The following TCF3 variants were observed in gnomAD, a reference collection of about 807,000 sequenced individuals.
The protein encoded by TCF3 is transcription factor 3.
Under a neutral mutation model 72.3 loss-of-function variants are expected in TCF3, and 54 were observed. The observed-to-expected ratio is 0.75, with a 90% CI of 0.60 to 0.94. The LOEUF is 0.94. Ranked by LOEUF, TCF3 falls within the 40% of genes least tolerant of loss-of-function variation. The pLI, the probability that TCF3 is intolerant of heterozygous loss-of-function variation, is 0.00. For missense variants in TCF3, 1,078 were observed against 934.4 expected (o/e 1.15, Z -2.00); for synonymous variants, 525 against 412.6 (o/e 1.27, Z -3.30).
intron 13 of TCF3, among the ~76,000 whole-genome samples, chr19:1,620,659 C>T (rs1483898810): frequency 6.6e-6 from 1 of 152,202 alleles, no homozygotes; most frequent in Non-Finnish European, 1.5e-5. Flanking sequence ...CCAGCCCTCC[C>T]TCACTGCCTG....
chr19:1,625,479 T>C, intron 7 of TCF3, 97 bp downstream of exon 7: 1 of 1,385,628 alleles, frequency 7.2e-7, no homozygotes. Flanking sequence ...GTGCGGGGTC[T>C]GCTCCCTCTG....
At chr19:1,621,226 G>C in intron 11 of TCF3, 35 bp from the exon 12 acceptor site, 1 of 1,527,872 alleles carries the variant, frequency 6.5e-7, no homozygotes, top group Non-Finnish European at 8.8e-7. Context: ...CACGCAGCCC[G>C]GCCTGGGTGC....
chr19:1,619,597 T>A, intron 14 of TCF3, 123 bp from the exon 15 acceptor site: 1 of 1,405,690 alleles, frequency 7.1e-7, no homozygotes, highest in Non-Finnish European at 9.5e-7. Context: ...GGAAGCTGCA[T>A]ATGCCAGGCA....
At chr19:1,652,071 G>A (rs1316120449) in intron 1 of TCF3, among the ~76,000 whole-genome samples, 1 of 150,406 alleles carries the variant, frequency 6.6e-6, no homozygotes, top group Non-Finnish European at 1.5e-5. Flanking sequence ...CGGCCCGACG[G>A]GGGCGACGCG....
In TCF3 at chr19:1,621,745, C is replaced by CG. The variant is rs767935645; in HGVS notation, c.955+92dup. 1.4e-4 allele frequency: 204 copies of CG among 1,427,846 alleles called. 1 individual carries two copies. The highest frequency in any genetic ancestry group is 1.8e-4 in the Non-Finnish European group (201 of 1,086,686). The allele number at this position is 1,427,846 out of a possible 1,614,324, so 88.4% of individuals were successfully genotyped here. The stretch of plus-strand genomic sequence containing the variant: ...CTCTCAGGGCCAGCAGACGCGCCTG[C>CG]GCCTCCCGTGGAGTCCTCGCCACCC... On this transcript the variant is annotated intron_variant, in intron 11 of 18. Coordinates refer to ENST00000262965, the MANE Select transcript of TCF3 (RefSeq NM_003200.5).
In TCF3 at chr19:1,620,951, C is replaced by T. The variant is rs73506282; in HGVS notation, c.1093+17G>A. Reference sequence around the variant, plus strand: ...TCACAGACCTCAGCCTCCCCTCCCCCCAAAACCCTCACAGACCTGCCAGGC... The same window carrying T: ...TCACAGACCTCAGCCTCCCCTCCCCTCAAAACCCTCACAGACCTGCCAGGC... On this transcript the variant is annotated intron_variant, in intron 13 of 18. Transcript: ENST00000262965. 1.3e-4 allele frequency: 196 copies of T among 1,481,700 alleles called. 3 individuals carry two copies. In the African/African-American group the frequency reaches 1.7e-3, roughly 13 times the overall value. The allele number at this position is 1,481,700 out of a possible 1,614,324, so 91.8% of individuals were successfully genotyped here.
At chr19:1,617,644 T>C (rs1204724956) in intron 16 of TCF3, among the ~76,000 whole-genome samples, 4 of 152,136 alleles carry the variant, frequency 2.6e-5, no homozygotes, top group Non-Finnish European at 5.9e-5. Flanking sequence ...TCTGCTCCAA[T>C]CGGCCAACGC....
intron 8 of TCF3, among the ~76,000 whole-genome samples, chr19:1,623,036 G>A (rs1252606559): frequency 2.0e-5 from 3 of 152,168 alleles, no homozygotes; most frequent in Non-Finnish European, 4.4e-5. Flanking sequence ...CCTGGGGAAG[G>A]AGGGGAGTGA....
At chr19:1,629,529 C>T (rs2063438413) in intron 5 of TCF3, among the ~76,000 whole-genome samples, 1 of 152,054 alleles carries the variant, frequency 6.6e-6, no homozygotes, top group African/African-American at 2.4e-5. Flanking sequence ...GAACAGCTGG[C>T]CAAGGCGAGC....
At chr19:1,639,692 G>C (rs973679674) in intron 3 of TCF3, among the ~76,000 whole-genome samples, 1 of 142,294 alleles carries the variant, frequency 7.0e-6, no homozygotes, top group African/African-American at 2.6e-5. Context: ...AATCAAGAAA[G>C]GACCTCCAAC....
chr19:1,633,499 C>CTTTCAAATCGCATCCTTCTA (rs1335412029), intron 3 of TCF3, among the ~76,000 whole-genome samples: 1 of 151,788 alleles, frequency 6.6e-6, no homozygotes, highest in East Asian at 1.9e-4. Context: ...CCAGAAACTT[C>CTTTCAAATCGCATCCTTCTA]TTTCAAATCG....
In TCF3 at chr19:1,622,162, G is replaced by A. The variant is rs970520830; in HGVS notation, c.714C>T (p.Pro238=). The change falls in exon 10 of 19, where the codon CCC becomes CCT. Residue 238 remains proline (P), a synonymous_variant. Transcript: ENST00000262965. The part of the protein sequence containing the change: ...WSPPGQAGFG[P]MLGGGSSPLP... ...GCGGGGATGAGCCCCCACCCAGCAT[G>A]GGCCCGAAGCCCGCCTGGCCCGGGG... 1.6e-5 allele frequency: 26 copies of A among 1,576,202 alleles called. No individual in the cohort carries two copies. Among genetic ancestry groups the A allele is most frequent in the Middle Eastern group, 1.8e-4 (1 of 5,668 alleles).
intron 1 of TCF3, among the ~76,000 whole-genome samples, chr19:1,651,995 G>C (rs2067177151): frequency 1.3e-5 from 2 of 150,884 alleles, no homozygotes; most frequent in Non-Finnish European, 3.0e-5. Flanking sequence ...TCGCGCCTAA[G>C]TTGCACAGCC....
chr19:1,615,426 G>A lies in TCF3; in HGVS notation c.1681C>T (p.Arg561Trp). Residue 561 changes from arginine to tryptophan, a missense_variant, in exon 18 of 19, where the codon CGG (arginine) becomes TGG (tryptophan). Physicochemically the swap from Arg to Trp is moderately radical, Grantham distance 101 (BLOSUM62 -3). Transcript: ENST00000262965. The surrounding 1 kb of genome is among the most constrained non-coding windows in gnomAD (Gnocchi z 7.3). ...RVANNARERL[R>W]VRDINEAFKE... ...AAGGCCTCGTTGATGTCACGGACCC[G>A]CAGCCGCTCCCGGGCGTTATTGGCC... The A allele has an allele frequency of 6.2e-7, 1 of 1,613,756 alleles. No homozygotes were observed. Among genetic ancestry groups the A allele is most frequent in the Non-Finnish European group, 8.5e-7 (1 of 1,179,988 alleles).
intron 8 of TCF3, among the ~76,000 whole-genome samples, chr19:1,623,342 G>C (rs557292603): frequency 6.6e-6 from 1 of 151,670 alleles, no homozygotes; most frequent in Non-Finnish European, 1.5e-5. Flanking sequence ...GCCTGAAGCT[G>C]TGAGGATGTA....
rs2066822023 is a variant in TCF3, at chr19:1,650,347, G to C, written c.-39-60C>G. On this transcript the variant is annotated intron_variant, in intron 1 of 18. Coordinates refer to ENST00000262965, the MANE Select transcript of TCF3 (RefSeq NM_003200.5). ...GAAACAGGGAGGGGAGAAGAGTTGT[G>C]AGTGGTCAAAGCACAGAGTGCTAAA... The C allele has an allele frequency of 7.7e-6, 10 of 1,297,826 alleles. No homozygotes were observed. The Admixed American group carries it at 2.1e-4, about 27-fold the overall frequency. 80.4% of individuals were successfully genotyped at this position (1,297,826 alleles called of 1,614,324 possible). A position where few individuals can be genotyped will look rare whatever the true frequency, so the allele number is the denominator to read the frequency against.
At position 1,621,145 on chromosome 19, in the gene TCF3, T is replaced by C; in HGVS notation, c.1002A>G (p.Lys334=). ...TAGSSGDALG[K]ALASIYSPDH... is the part of the protein sequence containing the mutation. ...CCCCACGCCTCACCGAGGCCAGTGC[T>C]TTGCCGAGGGCATCCCCGGAGCTGC... The change falls in exon 12 of 19, where the codon AAA becomes AAG. Residue 334 remains lysine (K), a synonymous_variant. Coordinates refer to ENST00000262965, the MANE Select transcript of TCF3 (RefSeq NM_003200.5). 3 of 1,541,630 alleles carry C rather than the reference T, an allele frequency of 1.9e-6. No homozygotes were observed. The highest frequency in any genetic ancestry group is 2.6e-6 in the Non-Finnish European group (3 of 1,145,538).
chr19:1,645,447 G>A (rs1030678889), intron 3 of TCF3, among the ~76,000 whole-genome samples: 15 of 151,142 alleles, frequency 9.9e-5, no homozygotes, highest in African/African-American at 2.9e-4. Context: ...AGGGCTCCCC[G>A]CTGCCCCTGC....
chr19:1,619,759 T>TGGGGG (rs761824274), intron 14 of TCF3, 21 bp downstream of exon 14: 57 of 483,792 alleles, frequency 1.2e-4, no homozygotes, highest in Admixed American at 5.7e-4. Context: ...AAGGGTGGGG[T>TGGGGG]GGGGCGGGGC....
Sources: gnomAD v4.1 joint callset for allele counts (sites outside exome capture counted in the v4.1 genomes callset) on GRCh38, gnomAD v4.1.1 for gene constraint, Gnocchi (gnomAD v3.1) non-coding constraint, MANE v1.5 for transcripts, NCBI Gene and HGNC (gene_info 2026-07-23, HGNC 2026-07-21) for gene names.